KCNH1: variants seen among roughly 807,000 people sequenced by gnomAD.
KCNH1 encodes voltage-gated delayed rectifier potassium channel KCNH1.
In KCNH1, 27 loss-of-function variants were observed where a neutral mutation model predicts 69.2. The observed-to-expected ratio is 0.39, with a 90% CI of 0.29 to 0.54. KCNH1 has a LOEUF of 0.54. Ranked by LOEUF, KCNH1 falls within the 20% of genes least tolerant of loss-of-function variation. The pLI, the probability that KCNH1 is intolerant of heterozygous loss-of-function variation, is 0.68. For missense variants in KCNH1, 798 were observed against 1,261.6 expected (o/e 0.63, Z 5.57); for synonymous variants, 456 against 487.7 (o/e 0.93, Z 0.86).
At chr1:211,088,128 A>G (rs1372893662) in intron 4 of KCNH1, among the ~76,000 whole-genome samples, 3 of 152,236 alleles carry the variant, frequency 2.0e-5, no homozygotes, top group African/African-American at 7.2e-5. Flanking sequence ...ACTGATTTAA[A>G]AGGCTAATAT....
At chr1:211,027,109 T>C (rs914599506) in intron 5 of KCNH1, among the ~76,000 whole-genome samples, 1 of 152,156 alleles carries the variant, frequency 6.6e-6, no homozygotes, top group African/African-American at 2.4e-5. Context: ...AGGTAATCAA[T>C]AGATGCCAAC....
intron 6 of KCNH1, among the ~76,000 whole-genome samples, chr1:211,001,490 C>T (rs1323691986): frequency 3.3e-5 from 5 of 152,168 alleles, no homozygotes; most frequent in South Asian, 2.1e-4. Flanking sequence ...GTTAGAATGG[C>T]GATCATTAAA....
At position 211,018,923 on chromosome 1, in the gene KCNH1, T is replaced by C. The variant is rs371681646; in HGVS notation, c.892A>G (p.Ile298Val). 3.7e-6 allele frequency: 6 copies of C among 1,613,888 alleles called. No individual in the cohort carries two copies. The highest frequency in any genetic ancestry group is 5.1e-6 in the Non-Finnish European group (6 of 1,179,978). Residue 298 changes from isoleucine (I) to valine (V), a missense_variant, in exon 6 of 11, where the codon ATT becomes GTT. Coordinates refer to ENST00000271751, the MANE Select transcript of KCNH1 (RefSeq NM_172362.3). Reference protein sequence around the residue: ...RMNYLKTWFVIDLLSCLPYDV... With the variant: ...RMNYLKTWFVVDLLSCLPYDV... ...TATGGCAAACAGGACAGAAGGTCAA[T>C]CACAAACCACGTCTTCAGGTAGTTC...
intron 5 of KCNH1, among the ~76,000 whole-genome samples, chr1:211,047,886 G>A (rs1571605736): frequency 6.6e-6 from 1 of 151,860 alleles, no homozygotes; most frequent in East Asian, 1.9e-4. Flanking sequence ...CAAAAAGTGG[G>A]CTAAGGACAT....
intron 10 of KCNH1, among the ~76,000 whole-genome samples, chr1:210,690,156 C>T (rs1332934707): frequency 6.6e-6 from 1 of 152,190 alleles, no homozygotes; most frequent in African/African-American, 2.4e-5. Context: ...TAAGAGGAAA[C>T]GCGCAGGCCC....
intron 4 of KCNH1, among the ~76,000 whole-genome samples, chr1:211,087,458 A>G (rs1690973796): frequency 6.6e-6 from 1 of 152,118 alleles, no homozygotes; most frequent in Non-Finnish European, 1.5e-5. Context: ...AGAAGACAGA[A>G]CGCAACAGAA....
chr1:211,098,814 T>C (rs1257380657), intron 3 of KCNH1, among the ~76,000 whole-genome samples: 2 of 152,132 alleles, frequency 1.3e-5, no homozygotes, highest in Admixed American at 6.5e-5. Flanking sequence ...ACAAAAACAA[T>C]TGTGGGCAAT....
At chr1:210,852,707 T>C (rs2102468837) in intron 7 of KCNH1, among the ~76,000 whole-genome samples, 1 of 152,290 alleles carries the variant, frequency 6.6e-6, no homozygotes, top group Non-Finnish European at 1.5e-5. Context: ...GGAAACAATA[T>C]ATGCTTCTAA....
At chr1:210,737,343 C>A (rs932921986) in intron 10 of KCNH1, among the ~76,000 whole-genome samples, 2 of 152,094 alleles carry the variant, frequency 1.3e-5, no homozygotes, top group Non-Finnish European at 2.9e-5. Context: ...TATATTTGAC[C>A]CTTTCTCTTC....
intron 7 of KCNH1, among the ~76,000 whole-genome samples, chr1:210,813,470 A>AG (rs1195297635): frequency 6.6e-6 from 1 of 152,020 alleles, no homozygotes; most frequent in Non-Finnish European, 1.5e-5. Flanking sequence ...GGAGAGTGTG[A>AG]GGGGGTAGGG....
chr1:210,978,318 A>G (rs999739183), intron 6 of KCNH1, among the ~76,000 whole-genome samples: 3 of 152,158 alleles, frequency 2.0e-5, no homozygotes, highest in African/African-American at 7.2e-5. Context: ...GATTACAGGC[A>G]TGAGCCACCG....
chr1:210,896,512 TGAG>T (rs1686870560), intron 7 of KCNH1, among the ~76,000 whole-genome samples: 1 of 152,156 alleles, frequency 6.6e-6, no homozygotes, highest in African/African-American at 2.4e-5. Context: ...ATAGACTGGC[TGAG>T]GAGAATAATA....
At chr1:210,813,819 G>A (rs985061848) in intron 7 of KCNH1, among the ~76,000 whole-genome samples, 1 of 152,178 alleles carries the variant, frequency 6.6e-6, no homozygotes, top group Non-Finnish European at 1.5e-5. Flanking sequence ...GGACGGACCT[G>A]GTGAAGGGTA....
intron 5 of KCNH1, among the ~76,000 whole-genome samples, chr1:211,070,269 T>C (rs1690611725): frequency 6.6e-6 from 1 of 150,752 alleles, no homozygotes; most frequent in Admixed American, 6.6e-5. Context: ...ATACAAAAAA[T>C]AAGCCGGGCG....
chr1:210,943,763 G>C (rs1574352369), intron 6 of KCNH1, among the ~76,000 whole-genome samples: 1 of 152,310 alleles, frequency 6.6e-6, no homozygotes, highest in South Asian at 2.1e-4. Flanking sequence ...ATCCCCAAAA[G>C]ACTAGTGTCA....
chr1:210,942,686 A>T (rs1687895844), intron 6 of KCNH1, among the ~76,000 whole-genome samples: 1 of 152,146 alleles, frequency 6.6e-6, no homozygotes, highest in Non-Finnish European at 1.5e-5. Flanking sequence ...ACTTCAGGAA[A>T]ATGGGCAGGG....
chr1:210,984,448 A>G (rs910613283), intron 6 of KCNH1, among the ~76,000 whole-genome samples: 4 of 152,192 alleles, frequency 2.6e-5, no homozygotes, highest in African/African-American at 4.8e-5. Flanking sequence ...GATACGTCCC[A>G]TCAATACCTA....
At chr1:211,072,643 G>A (rs1690666383) in intron 5 of KCNH1, among the ~76,000 whole-genome samples, 1 of 152,138 alleles carries the variant, frequency 6.6e-6, no homozygotes, top group South Asian at 2.1e-4. Context: ...ACTTAGTATA[G>A]TATTATTTGA....
At chr1:210,889,225 C>A (rs1044398423) in intron 7 of KCNH1, among the ~76,000 whole-genome samples, 2 of 152,176 alleles carry the variant, frequency 1.3e-5, no homozygotes, top group African/African-American at 2.4e-5. Flanking sequence ...TCAGCTTCAT[C>A]CCTGGGATGC....
Sources: allele counts gnomAD v4.1 joint callset (sites outside exome capture counted in the v4.1 genomes callset), GRCh38; gene constraint gnomAD v4.1.1; transcripts MANE v1.5; gene names NCBI Gene and HGNC (gene_info 2026-07-23, HGNC 2026-07-21).